PGLYRP4: variants seen among roughly 807,000 people sequenced by gnomAD.
PGLYRP4 encodes the protein peptidoglycan recognition protein 4.
Under a neutral mutation model 41.2 loss-of-function variants are expected in PGLYRP4, and 39 were observed. That is an observed-to-expected ratio of 0.95 (90% CI 0.73 to 1.24). The LOEUF (loss-of-function observed/expected upper bound fraction) is 1.24. Among genes scored for constraint, PGLYRP4 ranks in the 50% most tolerant of loss-of-function variants. The pLI, the probability that PGLYRP4 is intolerant of heterozygous loss-of-function variation, is 0.00. For synonymous variants in PGLYRP4, 202 were observed against 186.8 expected, an observed-to-expected ratio of 1.08 and a Z score of -0.66; for missense variants, 467 against 460.7, an observed-to-expected ratio of 1.01 and a Z score of -0.13.
chr1:153,334,099 G>A (rs913034563), intron 8 of PGLYRP4, among the ~76,000 whole-genome samples: 1 of 151,934 alleles, frequency 6.6e-6, no homozygotes, highest in Admixed American at 6.6e-5. Flanking sequence ...TTGGAAAAGA[G>A]GAAGTCAAAT....
intron 7 of PGLYRP4, among the ~76,000 whole-genome samples, chr1:153,339,267 G>A (rs950800476): frequency 6.6e-6 from 1 of 152,178 alleles, no homozygotes; most frequent in African/African-American, 2.4e-5. Flanking sequence ...AGACAGCAAC[G>A]CTGCAAGTAA....
intron 7 of PGLYRP4, among the ~76,000 whole-genome samples, chr1:153,337,980 T>C (rs1484044756): frequency 4.6e-5 from 7 of 152,140 alleles, no homozygotes; most frequent in Non-Finnish European, 1.0e-4. Context: ...TTTCCTTAAA[T>C]GTGAGGTTCC....
At chr1:153,337,156 C>T in intron 8 of PGLYRP4, 25 bp downstream of exon 8, 1 of 1,437,612 alleles carries the variant, frequency 7.0e-7, no homozygotes, top group Non-Finnish European at 9.8e-7. Context: ...ATGCAATGAC[C>T]CTACTGACCA....
intron 2 of PGLYRP4, among the ~76,000 whole-genome samples, chr1:153,346,963 G>A (rs370144851): frequency 6.6e-5 from 10 of 152,310 alleles, no homozygotes; most frequent in South Asian, 2.1e-4. Flanking sequence ...GAGGCAGAGC[G>A]AGGACTTGAA....
intron 7 of PGLYRP4, 142 bp downstream of exon 7, chr1:153,340,239 G>A (rs1571134897): frequency 1.4e-6 from 1 of 720,174 alleles, no homozygotes; most frequent in South Asian, 1.8e-5. Flanking sequence ...GCAGGGTCGT[G>A]TGATGAATTC....
rs746788912 is a variant in PGLYRP4, at chr1:153,330,734, G to A, written c.*33C>T. ...GGACAGGAGAGACCTGACAGGGGAG[G>A]GAAAGCAGTCTCAGAAGGACCTGGG... On this transcript the variant is annotated 3_prime_UTR_variant, in exon 9 of 9. Transcript: ENST00000359650. 6.3e-7 allele frequency: 1 copy of A among 1,591,214 alleles called. No individual in the cohort carries two copies. Among genetic ancestry groups the A allele is most frequent in the South Asian group, 1.1e-5 (1 of 89,854 alleles).
At position 153,336,369 on chromosome 1, in the gene PGLYRP4, CAA is replaced by C. The variant is rs58665160; in HGVS notation, c.943+810_943+811del. Among the ~76,000 whole-genome samples, 10 of 76,492 alleles carry C rather than the reference CAA, an allele frequency of 1.3e-4. No homozygotes were observed. In the East Asian group the frequency reaches 1.9e-3, roughly 14 times the overall value. The allele number at this position is 76,492 out of a possible 152,430, so 50.2% of individuals were successfully genotyped here. On this transcript the variant is annotated intron_variant, in intron 8 of 8. Coordinates refer to ENST00000359650, the MANE Select transcript of PGLYRP4 (RefSeq NM_020393.4). The stretch of plus-strand genomic sequence containing the variant: ...TGGGTGACAGAGCGAGACTCCATCT[CAA>C]AAAAAAAAAAAAAAAAAAAAACAAA...
rs773245965 is a variant in PGLYRP4 at position 153,337,210 on chromosome 1, A to G, written c.914T>C (p.Leu305Pro). Residue 305 changes from leucine (L) to proline (P), a missense_variant, in exon 8 of 9, where the codon CTG becomes CCG. Leu to Pro is a moderately conservative substitution (Grantham distance 98, BLOSUM62 -3). Coordinates refer to ENST00000359650, the MANE Select transcript of PGLYRP4 (RefSeq NM_020393.4). ...GAAGGTGCCCATGAAGGTAATGCCC[A>G]GGGCAATGTCATCGTAGCCAGGGGT... ...SSTPGYDDIA[L>P]GITFMGTFTG... The G allele has an allele frequency of 1.9e-6, 3 of 1,613,210 alleles. No homozygotes were observed. Among genetic ancestry groups the G allele is most frequent in the Admixed American group, 3.3e-5 (2 of 60,004 alleles).
In PGLYRP4 at chr1:153,340,479, G is replaced by T. The variant is rs752251515; in HGVS notation, c.726C>A (p.Ala242=). 3.7e-6 allele frequency: 6 copies of T among 1,614,126 alleles called. No homozygotes were observed. Among genetic ancestry groups the T allele is most frequent in the South Asian group, 1.1e-5 (1 of 91,076 alleles). ...CATCAGAAATGTTGCAGGTCCTCCC[G>T]GCAGTGTGGATAATGATGCCATACT... The part of the protein sequence containing the change: ...PAKYGIIIHT[A]GRTCNISDEC... Residue 242 remains alanine, a synonymous_variant, in exon 7 of 9, where the codon GCC becomes GCA. Coordinates refer to ENST00000359650, the MANE Select transcript of PGLYRP4 (RefSeq NM_020393.4).
intron 8 of PGLYRP4, among the ~76,000 whole-genome samples, chr1:153,333,981 TC>T (rs1660437792): frequency 6.6e-6 from 1 of 151,592 alleles, no homozygotes; most frequent in African/African-American, 2.4e-5. Context: ...TTGAAAACAT[TC>T]CCCCTAAGAA....
In PGLYRP4 at chr1:153,347,918, A is replaced by G; in HGVS notation, c.15T>C (p.Leu5=). 1.2e-6 allele frequency: 2 copies of G among 1,613,702 alleles called. No individual in the cohort carries two copies. The highest frequency in any genetic ancestry group is 1.7e-6 in the Non-Finnish European group (2 of 1,179,654). The change falls in exon 2 of 9, where the codon CTT becomes CTC. Residue 5 remains leucine (L), a synonymous_variant. Transcript: ENST00000359650. ...GGATACCCAGAGCAGAGAAGACAAG[A>G]AGCCACGGCAGCATCCCCACGTGGT... is the stretch of plus-strand genomic sequence containing the variant. The part of the protein sequence containing the change: MLPW[L]LVFSALGIQA...
chr1:153,331,526 A>T, intron 8 of PGLYRP4: 1 of 152,362 alleles, frequency 6.6e-6, no homozygotes, highest in Non-Finnish European at 1.5e-5. Flanking sequence ...AGTATGGGCC[A>T]TGTCACTGAA....
In PGLYRP4 at chr1:153,346,144, G is replaced by A. The variant is rs777007258; in HGVS notation, c.97C>T (p.Leu33Phe). The change falls in exon 3 of 9, where the codon CTC becomes TTC. Residue 33 changes from leucine to phenylalanine, a missense_variant. Coordinates refer to ENST00000359650, the MANE Select transcript of PGLYRP4 (RefSeq NM_020393.4). ...GAGATGTTCTCAAATAGGTACTGGA[G>A]CCCCTCTGATACCTGTTTAGCTTGT... is the stretch of plus-strand genomic sequence containing the variant. ...KTQAKQVSEG[L>F]QYLFENISQL... The A allele has an allele frequency of 3.1e-6, 5 of 1,613,832 alleles. No individual in the cohort carries two copies. The highest frequency in any genetic ancestry group is 1.7e-5 in the Admixed American group (1 of 60,012).
chr1:153,330,964 C>T lies in PGLYRP4; in HGVS notation c.944-19G>A, dbSNP rs1433869312. 6.2e-7 allele frequency: 1 copy of T among 1,605,562 alleles called. No homozygotes were observed. Among genetic ancestry groups the T allele is most frequent in the African/African-American group, 1.3e-5 (1 of 74,818 alleles). On this transcript the variant is annotated intron_variant, in intron 8 of 8. Transcript: ENST00000359650. ...GGTATACCTGCAAAACACAGCAGCC[C>T]ATTGTCTACAGGATTACAGGGCACC...
In PGLYRP4 at chr1:153,345,180, A is replaced by G. The variant is rs765003816; in HGVS notation, c.342T>C (p.Asp114=). ...GACCCAGCTCTTACTTGTAGGCCAC[A>G]TCACACCCACTGTTGTTGTGGACAT... ...AHHVHNNSGC[D]VAYNFLVGDD... is the part of the protein sequence containing the mutation. The change falls in exon 4 of 9, where the codon GAT becomes GAC. Residue 114 remains aspartate (D), a synonymous_variant. Coordinates refer to ENST00000359650, the MANE Select transcript of PGLYRP4 (RefSeq NM_020393.4). 5.6e-6 allele frequency: 9 copies of G among 1,610,896 alleles called. No individual in the cohort carries two copies. The highest frequency in any genetic ancestry group is 7.6e-6 in the Non-Finnish European group (9 of 1,178,986).
intron 8 of PGLYRP4, 55 bp from the exon 9 acceptor site, chr1:153,331,000 G>T: frequency 6.8e-7 from 1 of 1,470,352 alleles, no homozygotes; most frequent in Non-Finnish European, 9.4e-7. Flanking sequence ...CTGCAAAATA[G>T]AACATATCCC....
In PGLYRP4 at chr1:153,330,523, A is replaced by G; in HGVS notation, c.*244T>C. 1 of 303,362 alleles carries G rather than the reference A, an allele frequency of 3.3e-6. No homozygotes were observed. The highest frequency in any genetic ancestry group is 9.0e-5 in the South Asian group (1 of 11,098). The allele number at this position is 303,362 out of a possible 1,614,324, so 18.8% of individuals were successfully genotyped here. A position where few individuals can be genotyped will look rare whatever the true frequency, so the allele number is the denominator to read the frequency against. The stretch of plus-strand genomic sequence containing the variant: ...CTGAGGAGTTGGGTTTCCAAGGGAG[A>G]GGAAGGTAAGGAGAGAAGAAATCTG... On this transcript the variant is annotated 3_prime_UTR_variant, in exon 9 of 9. Transcript: ENST00000359650.
chr1:153,347,368 T>G (rs6587738), intron 2 of PGLYRP4, among the ~76,000 whole-genome samples: 125,858 of 151,692 alleles, frequency 0.83, 52,389 homozygotes, highest in East Asian at 0.88. Flanking sequence ...TTTGTTTGTT[T>G]GTTGGTTTGT....
At chr1:153,345,490 A>G in intron 3 of PGLYRP4, 108 bp from the exon 4 acceptor site, 2 of 958,990 alleles carry the variant, frequency 2.1e-6, no homozygotes, top group Admixed American at 3.7e-5. Context: ...AAGAGCCTTC[A>G]GCAGGCAGGT....
Sources: allele counts gnomAD v4.1 joint callset (sites outside exome capture counted in the v4.1 genomes callset), GRCh38; gene constraint gnomAD v4.1.1; transcripts MANE v1.5; gene names NCBI Gene and HGNC (gene_info 2026-07-23, HGNC 2026-07-21).